LUZP2: variants seen among roughly 807,000 people sequenced by gnomAD.
The protein encoded by LUZP2 is leucine zipper protein 2.
A neutral mutation model predicts 51.6 loss-of-function variants in LUZP2; 52 were observed. The observed-to-expected ratio is 1.01, with a 90% CI of 0.81 to 1.27. The LOEUF is 1.27. Among genes scored for constraint, LUZP2 ranks in the 50% most tolerant of loss-of-function variants. The probability of loss-of-function intolerance (pLI) is 0.00; values close to 1 mark genes in which losing one functional copy is unlikely to be tolerated. For missense variants in LUZP2, 436 were observed against 395.4 expected, an observed-to-expected ratio of 1.10 and a Z score of -0.87; for synonymous variants, 154 against 137.3, an observed-to-expected ratio of 1.12 and a Z score of -0.85.
In LUZP2 at chr11:24,971,676, T is replaced by C. The variant is rs1476256861; in HGVS notation, c.523-4915T>C. The stretch of plus-strand genomic sequence containing the variant: ...TTATAAAAAATAATTATGGCTACTC[T>C]GTATGATTTAATCCAGTACCTAATC... On this transcript the variant is annotated intron_variant, in intron 7 of 11. Transcript: ENST00000336930. 2.6e-5 allele frequency among the ~76,000 whole-genome samples: 4 copies of C among 152,208 alleles called. No individual in the cohort carries two copies. In the East Asian group the frequency reaches 7.7e-4, roughly 29 times the overall value.
At chr11:24,711,418 C>G (rs1046778276) in intron 1 of LUZP2, among the ~76,000 whole-genome samples, 3 of 151,576 alleles carry the variant, frequency 2.0e-5, no homozygotes, top group African/African-American at 7.3e-5. Context: ...TCACTGCACT[C>G]CAGCCTGGGC....
intron 1 of LUZP2, among the ~76,000 whole-genome samples, chr11:24,580,038 A>G (rs1852793141): frequency 6.6e-6 from 1 of 152,104 alleles, no homozygotes; most frequent in East Asian, 1.9e-4. Flanking sequence ...TTGGTTAAAG[A>G]CTATTTAAAT....
intron 5 of LUZP2, among the ~76,000 whole-genome samples, chr11:24,800,488 G>T (rs1442075562): frequency 6.6e-6 from 1 of 150,530 alleles, no homozygotes; most frequent in Non-Finnish European, 1.5e-5. Flanking sequence ...CAGAGATCTA[G>T]TGAATGCCAG....
intron 5 of LUZP2, among the ~76,000 whole-genome samples, chr11:24,790,839 A>C (rs2134094442): frequency 6.6e-6 from 1 of 152,098 alleles, no homozygotes; most frequent in Middle Eastern, 3.4e-3. Context: ...ATATTTCTTA[A>C]ATTTTTAGCT....
chr11:25,044,255 GTGTATATATA>G lies in LUZP2; in HGVS notation c.766-5781_766-5772del, dbSNP rs1374484498. Among the ~76,000 whole-genome samples, 9 of 42,376 alleles carry G rather than the reference GTGTATATATA, an allele frequency of 2.1e-4. No individual in the cohort carries two copies. The East Asian group carries it at 2.4e-3, about 11-fold the overall frequency. The allele number at this position is 42,376 out of a possible 152,430, so 27.8% of individuals were successfully genotyped here. On this transcript the variant is annotated intron_variant, in intron 9 of 11. Transcript: ENST00000336930. Reference sequence around the variant, plus strand: ...TGTGTATGTGTGTGTGTGTGTGTGTGTGTATATATATATATATATATATATATATATATAT... The same window carrying G: ...TGTGTATGTGTGTGTGTGTGTGTGTGTATATATATATATATATATATATAT...
At chr11:24,719,838 A>C (rs2631438) in intron 1 of LUZP2, among the ~76,000 whole-genome samples, 5 of 152,080 alleles carry the variant, frequency 3.3e-5, no homozygotes, top group Non-Finnish European at 1.5e-5. Flanking sequence ...ACCAACTGGT[A>C]GATGATCTGC....
chr11:24,895,725 A>G (rs943854729), intron 5 of LUZP2, among the ~76,000 whole-genome samples: 24 of 152,200 alleles, frequency 1.6e-4, no homozygotes, highest in African/African-American at 5.5e-4. Context: ...TCCATGGTGT[A>G]TATGTACCAC....
chr11:25,066,965 A>G (rs1859013402), intron 10 of LUZP2, among the ~76,000 whole-genome samples: 2 of 152,016 alleles, frequency 1.3e-5, no homozygotes, highest in African/African-American at 4.8e-5. Context: ...CATTGAACCT[A>G]CATATGGCAA....
rs181840356 is a variant in LUZP2 at position 24,611,751 on chromosome 11, A to G, written c.62+114446A>G. Among the ~76,000 whole-genome samples, 38 of 152,314 alleles carry G rather than the reference A, an allele frequency of 2.5e-4. No homozygotes were observed. In the East Asian group the frequency reaches 6.4e-3, roughly 26 times the overall value. On this transcript the variant is annotated intron_variant, in intron 1 of 11. Transcript: ENST00000336930. The surrounding 1 kb of genome is among the most constrained non-coding windows in gnomAD (Gnocchi z 4.6). ...CTTTCACTCCTCACACCAAGCCAAG[A>G]TATAACTACCTCATTTATCACCATT...
chr11:24,937,456 T>C (rs1854616001), intron 7 of LUZP2, among the ~76,000 whole-genome samples: 1 of 152,200 alleles, frequency 6.6e-6, no homozygotes, highest in African/African-American at 2.4e-5. Context: ...AATGAGATTG[T>C]ATATGCAAAT....
intron 7 of LUZP2, among the ~76,000 whole-genome samples, 159 bp downstream of exon 7, chr11:24,914,697 A>G (rs555220383): frequency 6.6e-6 from 1 of 152,276 alleles, no homozygotes; most frequent in Admixed American, 6.5e-5. Context: ...AACTTAATTA[A>G]TGGAGATAAG....
At chr11:24,842,180 G>A (rs1222090109) in intron 5 of LUZP2, among the ~76,000 whole-genome samples, 1 of 147,908 alleles carries the variant, frequency 6.8e-6, no homozygotes, top group Non-Finnish European at 1.5e-5. Flanking sequence ...AACACAGAGG[G>A]GCATTATTTA....
intron 1 of LUZP2, among the ~76,000 whole-genome samples, chr11:24,505,996 A>AGGT (rs1474691904): frequency 1.2e-4 from 18 of 152,316 alleles, no homozygotes; most frequent in African/African-American, 4.1e-4. Context: ...GATTACCTAC[A>AGGT]GGTGGCAGGA....
intron 5 of LUZP2, among the ~76,000 whole-genome samples, chr11:24,818,744 C>A (rs1171103484): frequency 6.6e-6 from 1 of 152,044 alleles, no homozygotes; most frequent in Admixed American, 6.6e-5. Context: ...ACTTAAACAT[C>A]ACTTTCACAG....
intron 7 of LUZP2, among the ~76,000 whole-genome samples, chr11:24,970,190 C>A (rs1855703823): frequency 6.6e-6 from 1 of 152,104 alleles, no homozygotes; most frequent in Admixed American, 6.6e-5. Flanking sequence ...GGTCTTGGAA[C>A]AAAATTTTCA....
chr11:24,574,937 T>C (rs1852594089), intron 1 of LUZP2, among the ~76,000 whole-genome samples: 1 of 152,150 alleles, frequency 6.6e-6, no homozygotes, highest in Non-Finnish European at 1.5e-5. Context: ...ATTAAGTGAA[T>C]ATAGTCAGAA....
chr11:24,580,602 C>A (rs998126987), intron 1 of LUZP2, among the ~76,000 whole-genome samples: 233 of 147,984 alleles, frequency 1.6e-3, no homozygotes, highest in African/African-American at 5.0e-3. Flanking sequence ...TTTCACAAAA[C>A]AAAAAAAAAA....
At chr11:24,789,156 T>C (rs1480599297) in intron 5 of LUZP2, among the ~76,000 whole-genome samples, 2 of 152,210 alleles carry the variant, frequency 1.3e-5, no homozygotes, top group African/African-American at 4.8e-5. Flanking sequence ...GTACGCTCTA[T>C]GGACAACATC....
chr11:24,635,369 GAAC>G (rs979598707), intron 1 of LUZP2, among the ~76,000 whole-genome samples: 5 of 151,786 alleles, frequency 3.3e-5, no homozygotes, highest in Admixed American at 2.0e-4. Flanking sequence ...ATTGATTTTT[GAAC>G]AACATGTTAT....
Sources: gnomAD v4.1 joint callset for allele counts (sites outside exome capture counted in the v4.1 genomes callset) on GRCh38, gnomAD v4.1.1 for gene constraint, Gnocchi (gnomAD v3.1) non-coding constraint, MANE v1.5 for transcripts, NCBI Gene and HGNC (gene_info 2026-07-23, HGNC 2026-07-21) for gene names.